The following DNM3 variants were observed in gnomAD, a reference collection of about 807,000 sequenced individuals.
DNM3 encodes dynamin 3, also known as dynamin-3.
In DNM3, 47 loss-of-function variants were observed where a neutral mutation model predicts 101.6. The observed-to-expected ratio is 0.46, with a 90% CI of 0.37 to 0.59. The LOEUF is 0.59. DNM3 is among the 20% of genes least tolerant of loss of function. The pLI is 0.00. For missense variants in DNM3, 849 were observed against 1,085.7 expected, an observed-to-expected ratio of 0.78 and a Z score of 3.06; for synonymous variants, 385 against 387.9, an observed-to-expected ratio of 0.99 and a Z score of 0.09.
chr1:172,340,585 A>G (rs2148957515), intron 17 of DNM3, among the ~76,000 whole-genome samples: 1 of 152,362 alleles, frequency 6.6e-6, no homozygotes, highest in Admixed American at 6.5e-5. Flanking sequence ...CAAAGTGAAG[A>G]ATAAATTAGA....
At chr1:172,008,302 C>A (rs1291631928) in intron 4 of DNM3, among the ~76,000 whole-genome samples, 3 of 151,858 alleles carry the variant, frequency 2.0e-5, no homozygotes, top group Admixed American at 2.0e-4. Context: ...AGAGTTTCTC[C>A]TCTGTTTTCT....
In DNM3 at chr1:172,410,787, C is replaced by T. The variant is rs138876103; in HGVS notation, c.*2946C>T. 217 of 985,258 alleles carry T rather than the reference C, an allele frequency of 2.2e-4. 1 individual carries two copies. In the African/African-American group the frequency reaches 3.6e-3, roughly 17 times the overall value. 61.0% of individuals were successfully genotyped at this position (985,258 alleles called of 1,614,324 possible). A position where few individuals can be genotyped will look rare whatever the true frequency, so the allele number is the denominator to read the frequency against. Reference sequence around the variant, plus strand: ...CCAGTTCCTGTGATGTAACTGTAAGCCTTCTCGACTTAGACTTAAAAAGTG... The same window carrying T: ...CCAGTTCCTGTGATGTAACTGTAAGTCTTCTCGACTTAGACTTAAAAAGTG... On this transcript the variant is annotated 3_prime_UTR_variant, in exon 21 of 21. Transcript: ENST00000627582.
At chr1:171,973,621 C>G (rs2044169895) in intron 2 of DNM3, among the ~76,000 whole-genome samples, 1 of 150,692 alleles carries the variant, frequency 6.6e-6, no homozygotes, top group Non-Finnish European at 1.5e-5. Flanking sequence ...ATTTCTCAGT[C>G]TTGTGATAAA....
intron 15 of DNM3, among the ~76,000 whole-genome samples, chr1:172,307,519 A>G (rs2064886615): frequency 6.6e-6 from 1 of 152,226 alleles, no homozygotes; most frequent in Non-Finnish European, 1.5e-5. Flanking sequence ...TGATCCCATT[A>G]CTGAGTATAT....
intron 16 of DNM3, among the ~76,000 whole-genome samples, chr1:172,318,170 T>A (rs1308494071): frequency 6.6e-6 from 1 of 152,210 alleles, no homozygotes; most frequent in Non-Finnish European, 1.5e-5. Flanking sequence ...GAAAAGGCCC[T>A]TGAAAAAATT....
At chr1:172,099,118 T>A (rs965929436) in intron 13 of DNM3, among the ~76,000 whole-genome samples, 1 of 151,768 alleles carries the variant, frequency 6.6e-6, no homozygotes, top group Admixed American at 6.6e-5. Flanking sequence ...TGAGTTAGAG[T>A]TTTTAAGAGA....
At chr1:171,995,351 C>T (rs1007236524) in intron 4 of DNM3, among the ~76,000 whole-genome samples, 1 of 151,800 alleles carries the variant, frequency 6.6e-6, no homozygotes, top group African/African-American at 2.4e-5. Context: ...GAGATCCACC[C>T]ACCTCGACCT....
chr1:172,117,803 A>G (rs2056028526), intron 13 of DNM3, among the ~76,000 whole-genome samples: 1 of 152,314 alleles, frequency 6.6e-6, no homozygotes, highest in East Asian at 1.9e-4. Flanking sequence ...AATTACTAGC[A>G]GGTAAATCCT....
At chr1:172,257,780 A>G (rs2062466306) in intron 15 of DNM3, among the ~76,000 whole-genome samples, 1 of 151,754 alleles carries the variant, frequency 6.6e-6, no homozygotes, top group South Asian at 2.1e-4. Context: ...TAGTCACCAT[A>G]CTCTAGTATT....
chr1:172,371,215 G>A (rs1274923307), intron 17 of DNM3, among the ~76,000 whole-genome samples: 1 of 151,954 alleles, frequency 6.6e-6, no homozygotes, highest in Non-Finnish European at 1.5e-5. Flanking sequence ...GTTGCAAAAT[G>A]TCAGGGCTGA....
chr1:172,160,273 C>A (rs182728222), intron 14 of DNM3, among the ~76,000 whole-genome samples: 7 of 152,054 alleles, frequency 4.6e-5, no homozygotes, highest in Non-Finnish European at 7.4e-5. Flanking sequence ...AATAAAGTAA[C>A]CTTACCTTAC....
chr1:172,214,992 T>A (rs906683593), intron 14 of DNM3, among the ~76,000 whole-genome samples: 1 of 152,136 alleles, frequency 6.6e-6, no homozygotes, highest in Non-Finnish European at 1.5e-5. Context: ...GTTAATACTG[T>A]TAGGAAACTG....
chr1:172,408,442 T>C lies in DNM3; in HGVS notation c.*601T>C. 1 of 985,476 alleles carries C rather than the reference T, an allele frequency of 1.0e-6. No homozygotes were observed. The highest frequency in any genetic ancestry group is 1.2e-6 in the Non-Finnish European group (1 of 829,962). The allele number at this position is 985,476 out of a possible 1,614,324, so 61.0% of individuals were successfully genotyped here. ...TTGCAAAGGAAAAGTCTGCACTGTT[T>C]GCTCTAAAGAGCTTCTCCTCATTCC... is the stretch of plus-strand genomic sequence containing the variant. On this transcript the variant is annotated 3_prime_UTR_variant, in exon 21 of 21. Coordinates refer to ENST00000627582, the MANE Select transcript of DNM3 (RefSeq NM_015569.5).
intron 10 of DNM3, among the ~76,000 whole-genome samples, chr1:172,063,272 A>G (rs1445026530): frequency 6.6e-6 from 1 of 152,168 alleles, no homozygotes; most frequent in Non-Finnish European, 1.5e-5. Context: ...TTTGAGAAAA[A>G]TGTACTAGCA....
At chr1:172,116,981 G>A (rs1056277923) in intron 13 of DNM3, among the ~76,000 whole-genome samples, 8 of 152,148 alleles carry the variant, frequency 5.3e-5, no homozygotes, top group African/African-American at 4.8e-5. Context: ...TGAGGTGGGC[G>A]GATCACCTGA....
chr1:172,263,886 A>G lies in DNM3; in HGVS notation c.1769+10204A>G, dbSNP rs145386407. On this transcript the variant is annotated intron_variant, in intron 15 of 20. Coordinates refer to ENST00000627582, the MANE Select transcript of DNM3 (RefSeq NM_015569.5). ...TGTGAGTGTCATACATTTATTTTTC[A>G]TTGAACTTAAAACAGAAGGACTATG... Among the ~76,000 whole-genome samples the G allele has an allele frequency of 2.2e-4, 33 of 152,322 alleles. No homozygotes were observed. The East Asian group carries it at 5.6e-3, about 26-fold the overall frequency.
chr1:172,286,435 T>A (rs895681562), intron 15 of DNM3, among the ~76,000 whole-genome samples: 3 of 152,236 alleles, frequency 2.0e-5, no homozygotes, highest in African/African-American at 4.8e-5. Flanking sequence ...AACAACTTTT[T>A]AAAAATGACA....
At chr1:171,995,002 G>T (rs1329346262) in intron 4 of DNM3, among the ~76,000 whole-genome samples, 1 of 149,436 alleles carries the variant, frequency 6.7e-6, no homozygotes. Flanking sequence ...TGACTGTGGT[G>T]TTTTTGTTTT....
At chr1:172,287,120 G>A (rs2063731922) in intron 15 of DNM3, among the ~76,000 whole-genome samples, 1 of 152,178 alleles carries the variant, frequency 6.6e-6, no homozygotes, top group Admixed American at 6.5e-5. Flanking sequence ...GGGGCCAAGA[G>A]CTGAAGTCCC....
Sources: gnomAD v4.1 joint callset for allele counts (sites outside exome capture counted in the v4.1 genomes callset) on GRCh38, gnomAD v4.1.1 for gene constraint, MANE v1.5 for transcripts, NCBI Gene and HGNC (gene_info 2026-07-23, HGNC 2026-07-21) for gene names.